Variants in RGS22 observed in about 807,000 individuals in gnomAD.
RGS22 encodes regulator of G protein signaling 22.
In RGS22, 148 loss-of-function variants were observed where a neutral mutation model predicts 172.9. The ratio of observed to expected loss-of-function variants is 0.86; its 90% CI spans 0.75 to 0.98. The LOEUF is 0.98. Ranked by LOEUF, RGS22 falls within the 50% of genes least tolerant of loss-of-function variation. The pLI is 0.00. For synonymous variants in RGS22, 458 were observed against 480.2 expected (o/e 0.95, Z 0.60); for missense variants, 1,347 against 1,440.8 (o/e 0.93, Z 1.05).
intron 9 of RGS22, among the ~76,000 whole-genome samples, chr8:100,061,415 C>T (rs562564758): frequency 7.2e-5 from 11 of 152,040 alleles, no homozygotes; most frequent in East Asian, 1.9e-4. Context: ...ATGCATCAAA[C>T]GAAGATCTAA....
intron 20 of RGS22, among the ~76,000 whole-genome samples, chr8:99,992,694 A>AT (rs1348327549): frequency 1.3e-5 from 2 of 152,336 alleles, no homozygotes; most frequent in Admixed American, 6.5e-5. Flanking sequence ...CGCTATGAAT[A>AT]TTAGAGAGGT....
intron 10 of RGS22, 87 bp downstream of exon 10, chr8:100,052,715 T>C: frequency 8.3e-7 from 1 of 1,200,636 alleles, no homozygotes; most frequent in Non-Finnish European, 1.2e-6. Flanking sequence ...ACAAAGCTTG[T>C]AATGAAAATT....
chr8:100,095,427 G>C (rs1812887956), intron 2 of RGS22, among the ~76,000 whole-genome samples: 1 of 152,050 alleles, frequency 6.6e-6, no homozygotes, highest in Non-Finnish European at 1.5e-5. Context: ...CAAGTGATCT[G>C]CCCGCCTCGG....
intron 9 of RGS22, among the ~76,000 whole-genome samples, chr8:100,060,809 A>G: frequency 6.6e-6 from 1 of 152,132 alleles, no homozygotes; most frequent in African/African-American, 2.4e-5. Context: ...ACAGAACTAG[A>G]AAAAACTATT....
rs1403200839 is a variant in RGS22, at chr8:100,045,709, A to G, written c.1823+1754T>C. On this transcript the variant is annotated intron_variant, in intron 11 of 27. Coordinates refer to ENST00000360863, the MANE Select transcript of RGS22 (RefSeq NM_015668.5). ...TCAAAAATTCTTTTAGGAATTTATA[A>G]TATATATGATATATAATATATATAT... Among the ~76,000 whole-genome samples, 3 of 150,552 alleles carry G rather than the reference A, an allele frequency of 2.0e-5. No individual in the cohort carries two copies. The East Asian group carries it at 5.8e-4, about 29-fold the overall frequency.
At chr8:99,967,333 G>T (rs938689258) in intron 23 of RGS22, among the ~76,000 whole-genome samples, 9 of 142,974 alleles carry the variant, frequency 6.3e-5, no homozygotes, top group Non-Finnish European at 1.4e-4. Context: ...CCGGGAGTTT[G>T]TTTTTTTTTT....
At chr8:100,035,551 C>A (rs963181868) in intron 14 of RGS22, among the ~76,000 whole-genome samples, 4 of 152,170 alleles carry the variant, frequency 2.6e-5, no homozygotes, top group East Asian at 1.9e-4. Flanking sequence ...GACAGTGTGG[C>A]AATTCCTCCA....
At chr8:100,056,326 G>A (rs112151845) in intron 9 of RGS22, among the ~76,000 whole-genome samples, 9 of 152,276 alleles carry the variant, frequency 5.9e-5, no homozygotes, top group African/African-American at 1.7e-4. Context: ...CTGATGATGC[G>A]ACAGAAAAGA....
At chr8:99,988,056 A>G (rs1042616250) in intron 20 of RGS22, among the ~76,000 whole-genome samples, 2 of 151,326 alleles carry the variant, frequency 1.3e-5, no homozygotes, top group Admixed American at 6.6e-5. Flanking sequence ...TAAACATTTA[A>G]TATTTCTCAT....
chr8:100,016,371 C>CT (rs11448241), intron 14 of RGS22, among the ~76,000 whole-genome samples: 92,535 of 151,684 alleles, frequency 0.61, 28,438 homozygotes, highest in African/African-American at 0.66. Context: ...TGCCCTTCCA[C>CT]TTTTTTTTCT....
At chr8:99,974,113 T>C (rs558438341) in intron 23 of RGS22, among the ~76,000 whole-genome samples, 1 of 152,326 alleles carries the variant, frequency 6.6e-6, no homozygotes, top group Admixed American at 6.5e-5. Context: ...TTTGTATCTT[T>C]TCTGATCTCT....
intron 21 of RGS22, among the ~76,000 whole-genome samples, chr8:99,984,103 G>A (rs1812823179): frequency 6.6e-6 from 1 of 152,062 alleles, no homozygotes; most frequent in Non-Finnish European, 1.5e-5. Flanking sequence ...GGGCAACATG[G>A]TGAAACTCTG....
intron 4 of RGS22, among the ~76,000 whole-genome samples, chr8:100,074,255 T>C (rs1029745128): frequency 7.2e-5 from 11 of 152,236 alleles, no homozygotes; most frequent in African/African-American, 2.2e-4. Flanking sequence ...TATCAGCCAA[T>C]AGATCTTATT....
intron 7 of RGS22, among the ~76,000 whole-genome samples, chr8:100,065,221 C>A (rs1008782887): frequency 2.0e-4 from 30 of 152,222 alleles, no homozygotes; most frequent in African/African-American, 6.3e-4. Context: ...CTTTGTAAAT[C>A]TGTGAGAGGA....
chr8:100,085,717 C>A (rs563365590), intron 3 of RGS22, among the ~76,000 whole-genome samples: 1 of 152,238 alleles, frequency 6.6e-6, no homozygotes, highest in Admixed American at 6.5e-5. Context: ...CTGTAAGAGG[C>A]AGGAAGGATG....
intron 20 of RGS22, among the ~76,000 whole-genome samples, chr8:99,995,073 C>T: frequency 6.6e-6 from 1 of 152,168 alleles, no homozygotes; most frequent in Non-Finnish European, 1.5e-5. Context: ...ATGTAGAAAG[C>T]TGAAACTCAA....
chr8:99,995,666 G>A (rs1814286278), intron 20 of RGS22, among the ~76,000 whole-genome samples: 2 of 152,230 alleles, frequency 1.3e-5, no homozygotes, highest in South Asian at 4.1e-4. Context: ...GTTGGTGAGA[G>A]TGTAAATTGG....
At position 100,040,018 on chromosome 8, in the gene RGS22, C is replaced by T. The variant is rs757513386; in HGVS notation, c.2008G>A (p.Val670Ile). 6.2e-7 allele frequency: 1 copy of T among 1,608,916 alleles called. No homozygotes were observed. Among genetic ancestry groups the T allele is most frequent in the East Asian group, 2.2e-5 (1 of 44,472 alleles). ...DMENLLQSLY[V>I]ENRAGFFFTK... ...AAGAAGAATCCAGCTCTATTTTCTA[C>T]ATACAAAGATTGCAACAAATTTTCC... Residue 670 changes from valine (V) to isoleucine (I), a missense_variant, in exon 13 of 28, where the codon GTA becomes ATA. Transcript: ENST00000360863.
At chr8:100,048,377 T>C (rs1820948626) in intron 10 of RGS22, among the ~76,000 whole-genome samples, 1 of 152,156 alleles carries the variant, frequency 6.6e-6, no homozygotes, top group South Asian at 2.1e-4. Flanking sequence ...TGTCTGGAAG[T>C]AGGTAAGATC....
Sources: allele counts gnomAD v4.1 joint callset (sites outside exome capture counted in the v4.1 genomes callset), GRCh38; gene constraint gnomAD v4.1.1; transcripts MANE v1.5; gene names NCBI Gene and HGNC (gene_info 2026-07-23, HGNC 2026-07-21).